Variants in PGM5 observed in about 807,000 individuals in gnomAD.
PGM5 encodes the protein phosphoglucomutase-like protein 5.
Under a neutral mutation model 59.2 loss-of-function variants are expected in PGM5, and 23 were observed. The observed-to-expected ratio is 0.39, with a 90% CI of 0.28 to 0.55. The LOEUF (loss-of-function observed/expected upper bound fraction) is 0.55, where lower values mean the gene tolerates loss of function less well. Among genes scored for constraint, PGM5 ranks in the 20% least tolerant of loss-of-function variants. PGM5 has a pLI of 0.66. For missense variants in PGM5, 574 were observed against 748.3 expected (o/e 0.77, Z 2.72); for synonymous variants, 214 against 286.0 (o/e 0.75, Z 2.54).
chr9:68,377,677 A>T (rs1210385458), intron 1 of PGM5, among the ~76,000 whole-genome samples: 1 of 152,246 alleles, frequency 6.6e-6, no homozygotes, highest in Non-Finnish European at 1.5e-5. Context: ...CAGAAAGAGA[A>T]TTCCTACTTT....
At chr9:68,485,686 G>C (rs1211539583) in intron 9 of PGM5, among the ~76,000 whole-genome samples, 4 of 152,132 alleles carry the variant, frequency 2.6e-5, no homozygotes, top group Non-Finnish European at 4.4e-5. Context: ...ACACTCTTCT[G>C]TCTGAGCTCA....
intron 10 of PGM5, among the ~76,000 whole-genome samples, chr9:68,510,740 G>C (rs960273268): frequency 1.3e-4 from 20 of 152,122 alleles, no homozygotes; most frequent in African/African-American, 4.8e-4. Context: ...CAAGGTGGTT[G>C]GGTTACACTT....
intron 7 of PGM5, among the ~76,000 whole-genome samples, chr9:68,473,890 C>A (rs903913004): frequency 3.3e-5 from 5 of 152,094 alleles, no homozygotes; most frequent in Non-Finnish European, 5.9e-5. Flanking sequence ...GAGAACCCCC[C>A]CATGTGAGCA....
intron 9 of PGM5, 59 bp from the exon 10 acceptor site, chr9:68,499,168 T>G (rs1242148099): frequency 3.2e-6 from 5 of 1,575,656 alleles, no homozygotes; most frequent in Non-Finnish European, 4.4e-6. Context: ...CAGGTATTAA[T>G]GATTATTACT....
intron 6 of PGM5, among the ~76,000 whole-genome samples, chr9:68,461,309 A>G (rs1823855619): frequency 6.6e-6 from 1 of 152,200 alleles, no homozygotes; most frequent in Admixed American, 6.5e-5. Context: ...TCCATTGGCT[A>G]GAACTTGAGT....
rs146502770 is a variant in PGM5, at chr9:68,384,471, T to C, written c.498T>C (p.Pro166=). 3.1e-6 allele frequency: 5 copies of C among 1,608,412 alleles called. No homozygotes were observed. The highest frequency in any genetic ancestry group is 4.3e-6 in the Non-Finnish European group (5 of 1,175,328). The change falls in exon 3 of 11, where the codon CCT becomes CCC. Residue 166 remains proline (P), a synonymous_variant. Transcript: ENST00000396396. The stretch of plus-strand genomic sequence containing the variant: ...CGATTGAGGAATATGCTATATGTCC[T>C]GATCTCCGAATCGACCTATCTCGAC... The part of the protein sequence containing the change: ...SKTIEEYAIC[P]DLRIDLSRLG...
rs200219590 is a variant in PGM5, at chr9:68,499,331, G to A, written c.1584G>A (p.Arg528=). 4.5e-5 allele frequency: 72 copies of A among 1,613,996 alleles called. No homozygotes were observed. The highest frequency in any genetic ancestry group is 5.8e-5 in the Non-Finnish European group (69 of 1,180,002). ...GACTGTACGCAGAGAGCTACGAGAG[G>A]GATCCCAGCGGCCATGACCAGGAGC... is the stretch of plus-strand genomic sequence containing the variant. ...TLRLYAESYE[R]DPSGHDQEPQ... The change falls in exon 10 of 11, where the codon AGG becomes AGA. Residue 528 remains arginine (R), a synonymous_variant. Transcript: ENST00000396396.
intron 6 of PGM5, chr9:68,464,520 G>A (rs1350212079): frequency 6.6e-6 from 1 of 152,496 alleles, no homozygotes; most frequent in Non-Finnish European, 1.5e-5. Context: ...AACATGATTT[G>A]GGGTGACACA....
At chr9:68,436,867 CT>C (rs1823450135) in intron 6 of PGM5, among the ~76,000 whole-genome samples, 1 of 152,156 alleles carries the variant, frequency 6.6e-6, no homozygotes, top group African/African-American at 2.4e-5. Context: ...AAGGTCCAAG[CT>C]TTTTACCCTC....
intron 7 of PGM5, chr9:68,466,312 A>G: frequency 1.6e-6 from 1 of 608,592 alleles, no homozygotes; most frequent in South Asian, 2.8e-5. Context: ...CTCTTTTAAA[A>G]TAGTTTTTAG....
At chr9:68,405,541 T>G (rs1191193207) in intron 6 of PGM5, 1 of 153,090 alleles carries the variant, frequency 6.5e-6, no homozygotes, top group African/African-American at 2.4e-5. Context: ...CTCTGACCTT[T>G]GCATGTGCTC....
chr9:68,496,339 A>G (rs1320109059), intron 9 of PGM5, among the ~76,000 whole-genome samples: 1 of 152,240 alleles, frequency 6.6e-6, no homozygotes, highest in Non-Finnish European at 1.5e-5. Context: ...ATTCACACAT[A>G]AAAGGGGGCC....
intron 7 of PGM5, among the ~76,000 whole-genome samples, chr9:68,475,078 A>G (rs1207673235): frequency 4.0e-5 from 6 of 150,978 alleles, no homozygotes; most frequent in African/African-American, 1.5e-4. Context: ...CAGTGGTGTG[A>G]TCTCAGCTCA....
At chr9:68,506,858 A>G (rs750917634) in intron 10 of PGM5, among the ~76,000 whole-genome samples, 1 of 152,172 alleles carries the variant, frequency 6.6e-6, no homozygotes, top group African/African-American at 2.4e-5. Flanking sequence ...CATACTAGGT[A>G]TATATGATTT....
chr9:68,487,193 A>G (rs1343320421), intron 9 of PGM5, among the ~76,000 whole-genome samples: 2 of 152,120 alleles, frequency 1.3e-5, no homozygotes, highest in Non-Finnish European at 2.9e-5. Flanking sequence ...TGGCCTTGTC[A>G]CTGCCTAGAT....
At chr9:68,410,552 T>G (rs1235367821) in intron 6 of PGM5, among the ~76,000 whole-genome samples, 1 of 151,646 alleles carries the variant, frequency 6.6e-6, no homozygotes, top group Non-Finnish European at 1.5e-5. Flanking sequence ...GTGATGAGGA[T>G]GATGATGAGG....
At chr9:68,506,884 G>C (rs1554689062) in intron 10 of PGM5, among the ~76,000 whole-genome samples, 1 of 152,158 alleles carries the variant, frequency 6.6e-6, no homozygotes. Flanking sequence ...GCTAAAAGTT[G>C]TGCCTCGGTC....
chr9:68,517,775 G>C (rs1266796182), intron 10 of PGM5, among the ~76,000 whole-genome samples: 1 of 152,212 alleles, frequency 6.6e-6, no homozygotes, highest in Non-Finnish European at 1.5e-5. Context: ...TGGTGGACTA[G>C]GTGATTCAAA....
intron 6 of PGM5, among the ~76,000 whole-genome samples, chr9:68,428,235 G>A (rs782512204): frequency 1.3e-5 from 2 of 152,140 alleles, no homozygotes; most frequent in Admixed American, 6.6e-5. Flanking sequence ...AATGGTCATC[G>A]CTGGGACTGA....
Sources: gnomAD v4.1 joint callset for allele counts (sites outside exome capture counted in the v4.1 genomes callset) on GRCh38, gnomAD v4.1.1 for gene constraint, MANE v1.5 for transcripts, NCBI Gene and HGNC (gene_info 2026-07-23, HGNC 2026-07-21) for gene names.